The following FAT4 variants were observed in gnomAD, a reference collection of about 807,000 sequenced individuals.
FAT4 encodes the protein protocadherin Fat 4.
Under a neutral mutation model 303.9 loss-of-function variants are expected in FAT4, and 84 were observed. That is an observed-to-expected ratio of 0.28 (90% CI 0.23 to 0.33). The LOEUF is 0.33. Ranked by LOEUF, FAT4 falls within the 10% of genes least tolerant of loss-of-function variation. The pLI is 1.00. For missense variants in FAT4, 6,005 were observed against 6,146.8 expected (o/e 0.98, Z 0.77); for synonymous variants, 2,307 against 2,298.8 (o/e 1.00, Z -0.10).
intron 2 of FAT4, among the ~76,000 whole-genome samples, chr4:125,323,328 G>A (rs892324075): frequency 1.3e-5 from 2 of 152,148 alleles, no homozygotes; most frequent in Non-Finnish European, 2.9e-5. Flanking sequence ...TAGCATGAAA[G>A]TATTAAATAG....
chr4:125,450,575 G>A lies in FAT4; in HGVS notation c.9565G>A (p.Val3189Met), dbSNP rs762015518. ...CAGTGTGACCGTAAATGTGATTGAT[G>A]TGAATGATAATTCTCCAGTATTCCT... ...YCSVTVNVID[V>M]NDNSPVFLSD... is the part of the protein sequence containing the mutation. The change falls in exon 10 of 18, where the codon GTG (valine) becomes ATG (methionine). Residue 3189 changes from valine (V) to methionine (M), a missense_variant. Transcript: ENST00000394329. 3.1e-6 allele frequency: 5 copies of A among 1,613,996 alleles called. No homozygotes were observed. The highest frequency in any genetic ancestry group is 1.7e-5 in the Admixed American group (1 of 59,982).
At position 125,479,620 on chromosome 4, in the gene FAT4, CT is replaced by C. The variant is rs139775489; in HGVS notation, c.12480-119del. On this transcript the variant is annotated intron_variant, in intron 14 of 17. Transcript: ENST00000394329. ...TTAGTTTCTCCAAATGTAGTTGTAA[CT>C]TGAGCTTCAAATAATGGAGTGCTTG... is the stretch of plus-strand genomic sequence containing the variant. 5.5e-3 allele frequency: 5,380 copies of C among 973,860 alleles called. 208 individuals carry two copies. In the African/African-American group the frequency reaches 0.081, roughly 15 times the overall value. 60.3% of individuals were successfully genotyped at this position (973,860 alleles called of 1,614,324 possible).
At chr4:125,489,514 T>C (rs115415133) in intron 17 of FAT4, among the ~76,000 whole-genome samples, 4,927 of 152,308 alleles carry the variant, frequency 0.032, 112 homozygotes, top group Middle Eastern at 0.075. Context: ...TCATGTTCTT[T>C]ACAAATTTAA....
chr4:125,336,612 T>A lies in FAT4; in HGVS notation c.5175+15026T>A, dbSNP rs537296595. ...CACTTAGTAAAGATAAATTTTTAAA[T>A]GTTCAATGTCTGATCATTGTAAGCA... On this transcript the variant is annotated intron_variant, in intron 2 of 17. Transcript: ENST00000394329. Among the ~76,000 whole-genome samples the A allele has an allele frequency of 4.6e-4, 70 of 152,120 alleles. No homozygotes were observed. The Middle Eastern group carries it at 0.014, about 30-fold the overall frequency.
chr4:125,398,287 GT>G (rs1734257183), intron 2 of FAT4, among the ~76,000 whole-genome samples: 2 of 152,130 alleles, frequency 1.3e-5, no homozygotes, highest in South Asian at 4.1e-4. Flanking sequence ...CCCATTAAAG[GT>G]TGAGCGTGGA....
chr4:125,364,347 A>G (rs1732783714), intron 2 of FAT4, among the ~76,000 whole-genome samples: 1 of 152,082 alleles, frequency 6.6e-6, no homozygotes, highest in Non-Finnish European at 1.5e-5. Context: ...CTTCAGCATC[A>G]CAATCTGTTT....
Position 125,317,749 on chromosome 4 carries a change from G to A in FAT4, c.1338G>A (p.Ala446=), listed in dbSNP as rs1442421407. 3 of 1,614,104 alleles carry A rather than the reference G, an allele frequency of 1.9e-6. No individual in the cohort carries two copies. Among genetic ancestry groups the A allele is most frequent in the East Asian group, 2.2e-5 (1 of 44,870 alleles). Residue 446 remains alanine (A), a synonymous_variant, in exon 2 of 18, where the codon GCG becomes GCA. Coordinates refer to ENST00000394329, the MANE Select transcript of FAT4 (RefSeq NM_001291303.3). The surrounding 1 kb of genome is among the most constrained non-coding windows in gnomAD (Gnocchi z 7.0). The part of the protein sequence containing the change: ...LTVSVSDNYG[A]PPGAAVQARS... ...TTTCCGTCTCTGATAACTACGGGGC[G>A]CCCCCTGGCGCAGCAGTCCAGGCGC...
At chr4:125,386,730 T>G (rs1733765440) in intron 2 of FAT4, among the ~76,000 whole-genome samples, 2 of 152,228 alleles carry the variant, frequency 1.3e-5, no homozygotes, top group African/African-American at 4.8e-5. Flanking sequence ...AGCTGTTTCA[T>G]ATAAATTAAA....
In FAT4 at chr4:125,450,128, A is replaced by C. The variant is rs1468867082; in HGVS notation, c.9118A>C (p.Thr3040Pro). The stretch of plus-strand genomic sequence containing the variant: ...AGGAAAATTTAAGTTGGACAATGAT[A>C]CGGGGTGGATTTCAGTAGCATCCTC... ...HLGKFKLDND[T>P]GWISVASSLI... The change falls in exon 10 of 18, where the codon ACG (threonine) becomes CCG (proline). Residue 3040 changes from threonine (T) to proline (P), a missense_variant. Thr to Pro is a conservative substitution (Grantham distance 38). Transcript: ENST00000394329. 1 of 1,613,670 alleles carries C rather than the reference A, an allele frequency of 6.2e-7. No individual in the cohort carries two copies. Among genetic ancestry groups the C allele is most frequent in the East Asian group, 2.2e-5 (1 of 44,878 alleles).
intron 2 of FAT4, among the ~76,000 whole-genome samples, chr4:125,325,195 A>G (rs570570783): frequency 6.6e-6 from 1 of 152,308 alleles, no homozygotes; most frequent in East Asian, 1.9e-4. Context: ...CAAACTTTTC[A>G]TAGTCTGTTA....
intron 17 of FAT4, among the ~76,000 whole-genome samples, chr4:125,488,871 C>T (rs775090425): frequency 6.6e-5 from 10 of 152,028 alleles, no homozygotes; most frequent in Non-Finnish European, 1.5e-4. Context: ...CCTGGGACGT[C>T]ATCTTGATTA....
intron 12 of FAT4, among the ~76,000 whole-genome samples, chr4:125,472,218 A>C (rs1333707265): frequency 6.6e-6 from 1 of 152,124 alleles, no homozygotes; most frequent in Non-Finnish European, 1.5e-5. Context: ...TTAAATGAAA[A>C]AACTTGGTAT....
chr4:125,472,030 G>A (rs1171419328), intron 12 of FAT4, among the ~76,000 whole-genome samples: 1 of 135,858 alleles, frequency 7.4e-6, no homozygotes, highest in African/African-American at 2.8e-5. Flanking sequence ...CCGAGATCTC[G>A]CCACTGCACG....
Position 125,449,803 on chromosome 4 carries a change from T to G in FAT4, c.8793T>G (p.Asn2931Lys). The G allele has an allele frequency of 6.2e-7, 1 of 1,613,838 alleles. No homozygotes were observed. The highest frequency in any genetic ancestry group is 8.5e-7 in the Non-Finnish European group (1 of 1,179,908). The change falls in exon 10 of 18, where the codon AAT becomes AAG. Residue 2931 changes from asparagine to lysine, a missense_variant. Physicochemically the swap from Asn to Lys is moderately conservative, Grantham distance 94. Transcript: ENST00000394329. ...ATGCCACCACTGGAGAGATTTTCAA[T>G]AAACAGATCTTAAAATACCAAAATG... ...RINATTGEIF[N>K]KQILKYQNVT... is the part of the protein sequence containing the mutation.
chr4:125,336,120 G>A (rs1341433535), intron 2 of FAT4, among the ~76,000 whole-genome samples: 2 of 151,904 alleles, frequency 1.3e-5, no homozygotes, highest in Non-Finnish European at 2.9e-5. Context: ...TACAAATTCT[G>A]TTTCTTGGTT....
At chr4:125,324,564 T>C (rs1272744868) in intron 2 of FAT4, among the ~76,000 whole-genome samples, 2 of 152,172 alleles carry the variant, frequency 1.3e-5, no homozygotes, top group Non-Finnish European at 2.9e-5. Flanking sequence ...GCATAATAAT[T>C]ATCTCTGCTC....
At chr4:125,354,014 GT>G (rs758501798) in intron 2 of FAT4, among the ~76,000 whole-genome samples, 2 of 151,680 alleles carry the variant, frequency 1.3e-5, no homozygotes, top group Non-Finnish European at 3.0e-5. Context: ...GCAAAAGTGA[GT>G]GTAATTCATA....
rs766890007 is a variant in FAT4, at chr4:125,449,959, T to C, written c.8949T>C (p.Pro2983=). 7.2e-5 allele frequency: 116 copies of C among 1,613,706 alleles called. No individual in the cohort carries two copies. The highest frequency in any genetic ancestry group is 9.7e-5 in the Non-Finnish European group (114 of 1,179,862). The change falls in exon 10 of 18, where the codon CCT becomes CCC. Residue 2983 remains proline (P), a synonymous_variant. Transcript: ENST00000394329. The part of the protein sequence containing the change: ...INIVDSNDNA[P]QFLKSKYFTP... Reference sequence around the variant, plus strand: ...TAGTGGACAGTAATGACAATGCACCTCAATTTCTTAAAAGTAAATATTTCA... The same window carrying C: ...TAGTGGACAGTAATGACAATGCACCCCAATTTCTTAAAAGTAAATATTTCA...
At chr4:125,452,888 TC>T in intron 10 of FAT4, 78 bp downstream of exon 10, 1 of 1,464,554 alleles carries the variant, frequency 6.8e-7, no homozygotes, top group African/African-American at 1.4e-5. Flanking sequence ...TTTATCATTT[TC>T]CAATGATTTT....
Sources: gnomAD v4.1 joint callset for allele counts (sites outside exome capture counted in the v4.1 genomes callset) on GRCh38, gnomAD v4.1.1 for gene constraint, Gnocchi (gnomAD v3.1) non-coding constraint, MANE v1.5 for transcripts, NCBI Gene and HGNC (gene_info 2026-07-23, HGNC 2026-07-21) for gene names.